Variants in CACNA2D1 observed in about 807,000 individuals in gnomAD.
CACNA2D1 encodes voltage-dependent calcium channel subunit alpha-2/delta-1.
A neutral mutation model predicts 171.5 loss-of-function variants in CACNA2D1; 53 were observed. That is an observed-to-expected ratio of 0.31 (90% CI 0.25 to 0.39). CACNA2D1 has a LOEUF of 0.39. CACNA2D1 is among the 10% of genes least tolerant of loss of function. The pLI, the probability that CACNA2D1 is intolerant of heterozygous loss-of-function variation, is 1.00. For missense variants in CACNA2D1, 903 were observed against 1,299.8 expected (o/e 0.69, Z 4.69); for synonymous variants, 442 against 443.1 (o/e 1.00, Z 0.03).
chr7:82,111,547 A>T (rs1788472652), intron 6 of CACNA2D1, among the ~76,000 whole-genome samples: 1 of 148,676 alleles, frequency 6.7e-6, no homozygotes, highest in Non-Finnish European at 1.5e-5. Context: ...TCCTGGGCTC[A>T]CATGAACCTC....
intron 6 of CACNA2D1, among the ~76,000 whole-genome samples, chr7:82,090,500 C>A (rs1041279892): frequency 6.6e-6 from 1 of 151,816 alleles, no homozygotes. Context: ...TCTATTACAG[C>A]CTTGCATTGA....
At chr7:82,418,701 G>A (rs749856833) in intron 1 of CACNA2D1, among the ~76,000 whole-genome samples, 5 of 152,024 alleles carry the variant, frequency 3.3e-5, no homozygotes, top group African/African-American at 4.8e-5. Context: ...AAGACAACAA[G>A]CATTATCCAT....
At chr7:82,111,351 T>C (rs1788371721) in intron 6 of CACNA2D1, among the ~76,000 whole-genome samples, 4 of 133,658 alleles carry the variant, frequency 3.0e-5, no homozygotes, top group African/African-American at 7.8e-5. Flanking sequence ...TATTCATATA[T>C]ATGTGTATAT....
Position 81,947,214 on chromosome 7 carries a change from T to G in CACNA2D1, c.*3178A>C, listed in dbSNP as rs1205883720. Reference sequence around the variant, plus strand: ...ATCAAATAAGCAAGTAACACTTGGGTTGCAAAGGTCACTTAAAAGGGATAC... The same window carrying G: ...ATCAAATAAGCAAGTAACACTTGGGGTGCAAAGGTCACTTAAAAGGGATAC... On this transcript the variant is annotated 3_prime_UTR_variant, in exon 39 of 39. Coordinates refer to ENST00000356860, the MANE Select transcript of CACNA2D1 (RefSeq NM_000722.4). 1 of 151,902 alleles carries G rather than the reference T, an allele frequency of 6.6e-6. No individual in the cohort carries two copies. The highest frequency in any genetic ancestry group is 1.5e-5 in the Non-Finnish European group (1 of 67,910). 9.4% of individuals were successfully genotyped at this position (151,902 alleles called of 1,614,324 possible).
intron 4 of CACNA2D1, among the ~76,000 whole-genome samples, chr7:82,139,150 A>C (rs1210767412): frequency 6.6e-6 from 1 of 152,240 alleles, no homozygotes; most frequent in Non-Finnish European, 1.5e-5. Context: ...TTGGTAAAAT[A>C]ATGGATACAA....
At chr7:82,066,413 C>CATGCCTA (rs1807610344) in intron 8 of CACNA2D1, 42 bp downstream of exon 8, 1 of 1,606,918 alleles carries the variant, frequency 6.2e-7, no homozygotes, top group Non-Finnish European at 8.5e-7. Flanking sequence ...TATATATCTT[C>CATGCCTA]TTGCCTATTT....
At chr7:82,148,463 T>C (rs1037927349) in intron 4 of CACNA2D1, among the ~76,000 whole-genome samples, 64 of 152,126 alleles carry the variant, frequency 4.2e-4, no homozygotes, top group African/African-American at 1.5e-3. Flanking sequence ...CAGTTATAGG[T>C]AGGAAACAGT....
At chr7:82,276,772 CAG>C in intron 3 of CACNA2D1, among the ~76,000 whole-genome samples, 1 of 139,892 alleles carries the variant, frequency 7.1e-6, no homozygotes, top group East Asian at 2.1e-4. Context: ...TTTTTTTAGA[CAG>C]AGTCTCATTC....
chr7:81,957,118 TA>T (rs1296377179), intron 38 of CACNA2D1, among the ~76,000 whole-genome samples: 1 of 152,096 alleles, frequency 6.6e-6, no homozygotes, highest in African/African-American at 2.4e-5. Flanking sequence ...AAATTTGTGT[TA>T]GCATCTTTTG....
intron 1 of CACNA2D1, among the ~76,000 whole-genome samples, chr7:82,435,589 T>C (rs1449445146): frequency 1.3e-5 from 2 of 152,144 alleles, no homozygotes; most frequent in Admixed American, 1.3e-4. Flanking sequence ...CATACCTGCT[T>C]CACCTTCTCA....
At chr7:82,198,526 G>A (rs559359743) in intron 3 of CACNA2D1, among the ~76,000 whole-genome samples, 1 of 151,334 alleles carries the variant, frequency 6.6e-6, no homozygotes, top group African/African-American at 2.4e-5. Context: ...ACTTAATTCA[G>A]AATGTCTGAG....
intron 7 of CACNA2D1, 92 bp downstream of exon 7, chr7:82,084,677 T>C (rs1460805537): frequency 1.4e-6 from 2 of 1,381,098 alleles, no homozygotes; most frequent in Non-Finnish European, 2.1e-6. Flanking sequence ...GATATAGTCA[T>C]ATTTTTCTTA....
chr7:82,227,952 G>C (rs1373124598), intron 3 of CACNA2D1, among the ~76,000 whole-genome samples: 2 of 152,026 alleles, frequency 1.3e-5, no homozygotes, highest in African/African-American at 4.8e-5. Context: ...TGAACCCCAA[G>C]TGTACATGTA....
chr7:82,406,735 G>A (rs1190475769), intron 1 of CACNA2D1, among the ~76,000 whole-genome samples: 5 of 152,106 alleles, frequency 3.3e-5, no homozygotes, highest in South Asian at 4.1e-4. Flanking sequence ...CTTTTTGATC[G>A]GGTTGATTTT....
At chr7:82,347,645 T>G (rs1225101194) in intron 2 of CACNA2D1, among the ~76,000 whole-genome samples, 1 of 152,124 alleles carries the variant, frequency 6.6e-6, no homozygotes, top group Non-Finnish European at 1.5e-5. Flanking sequence ...AAGATGACAC[T>G]CTTTGTGTGC....
intron 20 of CACNA2D1, among the ~76,000 whole-genome samples, chr7:81,991,606 A>G (rs1797547862): frequency 1.3e-5 from 2 of 152,346 alleles, no homozygotes; most frequent in Middle Eastern, 6.8e-3. Context: ...ACATCAGGAC[A>G]TTAATGCAGT....
Position 82,443,527 on chromosome 7 carries a change from G to A in CACNA2D1, c.-68C>T. Reference sequence around the variant, plus strand: ...GGAAGGAGCGGCGCTGGAAACCGCGGGCGGAGGAAGAGCAGCACACGCCGC... The same window carrying A: ...GGAAGGAGCGGCGCTGGAAACCGCGAGCGGAGGAAGAGCAGCACACGCCGC... On this transcript the variant is annotated 5_prime_UTR_variant, in exon 1 of 39. Coordinates refer to ENST00000356860, the MANE Select transcript of CACNA2D1 (RefSeq NM_000722.4). The A allele has an allele frequency of 1.3e-6, 2 of 1,570,958 alleles. No homozygotes were observed. Among genetic ancestry groups the A allele is most frequent in the Non-Finnish European group, 1.7e-6 (2 of 1,159,208 alleles).
At chr7:82,369,375 T>A (rs939104179) in intron 1 of CACNA2D1, among the ~76,000 whole-genome samples, 1 of 151,678 alleles carries the variant, frequency 6.6e-6, no homozygotes, top group African/African-American at 2.4e-5. Context: ...TCATCTAGTA[T>A]ATGGACTACT....
chr7:82,320,387 A>C (rs918971517), intron 3 of CACNA2D1, among the ~76,000 whole-genome samples: 2 of 152,140 alleles, frequency 1.3e-5, no homozygotes, highest in Non-Finnish European at 2.9e-5. Flanking sequence ...TTTTGTTAAA[A>C]GGAAAACAAA....
Sources: allele counts gnomAD v4.1 joint callset (sites outside exome capture counted in the v4.1 genomes callset), GRCh38; gene constraint gnomAD v4.1.1; transcripts MANE v1.5; gene names NCBI Gene and HGNC (gene_info 2026-07-23, HGNC 2026-07-21).